The following SPTLC1 variants were observed in gnomAD, a reference collection of about 807,000 sequenced individuals.
SPTLC1 encodes the protein serine palmitoyltransferase 1.
Under a neutral mutation model 68.9 loss-of-function variants are expected in SPTLC1, and 55 were observed. That is an observed-to-expected ratio of 0.80 (90% CI 0.64 to 1.00). The LOEUF (loss-of-function observed/expected upper bound fraction) is 1.00. Among genes scored for constraint, SPTLC1 ranks in the 50% least tolerant of loss-of-function variants. The pLI is 0.00. For synonymous variants in SPTLC1, 197 were observed against 201.6 expected (o/e 0.98, Z 0.19); for missense variants, 449 against 573.1 (o/e 0.78, Z 2.21).
At position 92,067,995 on chromosome 9, in the gene SPTLC1, A is replaced by C; in HGVS notation, c.531T>G (p.Ala177=). 1 of 1,614,152 alleles carries C rather than the reference A, an allele frequency of 6.2e-7. No individual in the cohort carries two copies. The highest frequency in any genetic ancestry group is 8.5e-7 in the Non-Finnish European group (1 of 1,180,012). Residue 177 remains alanine, a synonymous_variant, in exon 6 of 15, where the codon GCT becomes GCG. Coordinates refer to ENST00000262554, the MANE Select transcript of SPTLC1 (RefSeq NM_006415.4). ...GFATIASAIP[A]YSKRGDIVFV... The stretch of plus-strand genomic sequence containing the variant: ...AAACAATGTCCCCTCTTTTAGAGTA[A>C]GCAGGAATAGCACTGGCTATGGTGG...
chr9:92,073,343 C>T (rs766840705), intron 5 of SPTLC1, among the ~76,000 whole-genome samples: 7 of 152,210 alleles, frequency 4.6e-5, no homozygotes, highest in African/African-American at 7.2e-5. Flanking sequence ...TGACTGCTGG[C>T]GCCTTGAGCC....
chr9:92,041,903 T>G (rs1002317977), intron 12 of SPTLC1, among the ~76,000 whole-genome samples: 1 of 152,196 alleles, frequency 6.6e-6, no homozygotes, highest in Non-Finnish European at 1.5e-5. Context: ...CAACGTCTAT[T>G]TATGATTTTA....
intron 12 of SPTLC1, among the ~76,000 whole-genome samples, chr9:92,039,330 T>TA (rs1256797613): frequency 1.3e-5 from 2 of 152,316 alleles, no homozygotes; most frequent in South Asian, 2.1e-4. Context: ...GATAGATCTT[T>TA]AGGGGCCAAA....
intron 14 of SPTLC1, among the ~76,000 whole-genome samples, chr9:92,033,624 C>T (rs1587898488): frequency 6.6e-6 from 1 of 152,176 alleles, no homozygotes; most frequent in African/African-American, 2.4e-5. Context: ...GGAGTGATCT[C>T]AGCTCACTGC....
At chr9:92,079,510 TTGG>T in intron 5 of SPTLC1, 1 of 1,613,868 alleles carries the variant, frequency 6.2e-7, no homozygotes, top group South Asian at 1.1e-5. Context: ...AAATATTTAG[TTGG>T]CCTGTTCCCG....
intron 14 of SPTLC1, among the ~76,000 whole-genome samples, chr9:92,032,998 A>C (rs773084364): frequency 1.4e-4 from 22 of 152,286 alleles, no homozygotes; most frequent in Admixed American, 3.3e-4. Context: ...ATTTTTGTAA[A>C]CAAACCTCTC....
intron 1 of SPTLC1, 64 bp from the exon 2 acceptor site, chr9:92,112,626 T>G (rs2118840574): frequency 9.8e-7 from 1 of 1,019,896 alleles, no homozygotes; most frequent in East Asian, 2.4e-5. Context: ...CACATAAAAT[T>G]TACTACACCT....
In SPTLC1 at chr9:92,051,188, T is replaced by C. The variant is rs139872924; in HGVS notation, c.781-1121A>G. On this transcript the variant is annotated intron_variant, in intron 8 of 14. Coordinates refer to ENST00000262554, the MANE Select transcript of SPTLC1 (RefSeq NM_006415.4). ...ATCTCTTCTATTGATACTTAAAATA[T>C]ATTTAGATTTCCTCAGAAATAGTGA... The C allele has an allele frequency of 6.1e-6, 6 of 981,134 alleles. No individual in the cohort carries two copies. The East Asian group carries it at 6.8e-4, about 112-fold the overall frequency. 60.8% of individuals were successfully genotyped at this position (981,134 alleles called of 1,614,324 possible). A position where few individuals can be genotyped will look rare whatever the true frequency, so the allele number is the denominator to read the frequency against.
At chr9:92,047,557 G>C (rs753746632) in intron 10 of SPTLC1, 56 bp downstream of exon 10, 4 of 1,158,876 alleles carry the variant, frequency 3.5e-6, no homozygotes, top group Admixed American at 3.5e-5. Context: ...ATATTTTGAG[G>C]TGACCAATGG....
At chr9:92,110,971 C>T (rs1374611775) in intron 2 of SPTLC1, 2 of 152,162 alleles carry the variant, frequency 1.3e-5, no homozygotes, top group Non-Finnish European at 2.9e-5. Flanking sequence ...CCTCATTACC[C>T]TATTATTTTT....
intron 8 of SPTLC1, among the ~76,000 whole-genome samples, chr9:92,052,866 G>C (rs1442859844): frequency 6.6e-6 from 1 of 151,886 alleles, no homozygotes; most frequent in African/African-American, 2.4e-5. Context: ...AAACACAAAA[G>C]CACAAGCAAC....
intron 6 of SPTLC1, among the ~76,000 whole-genome samples, chr9:92,067,304 C>CA (rs770486590): frequency 0.016 from 1,580 of 98,730 alleles, 13 homozygotes; most frequent in South Asian, 0.049. Context: ...ATCTCACACA[C>CA]AAAAAAAAAA....
chr9:92,104,062 T>G (rs1835861825), intron 3 of SPTLC1, among the ~76,000 whole-genome samples: 1 of 152,164 alleles, frequency 6.6e-6, no homozygotes, highest in African/African-American at 2.4e-5. Context: ...CTTCACACCC[T>G]GGCTCTGTCA....
At chr9:92,085,886 T>C (rs1835104136) in intron 3 of SPTLC1, among the ~76,000 whole-genome samples, 1 of 151,930 alleles carries the variant, frequency 6.6e-6, no homozygotes, top group Non-Finnish European at 1.5e-5. Flanking sequence ...TAAGTCTCTT[T>C]GTAGGTCACT....
chr9:92,083,265 T>G (rs1204166333), intron 3 of SPTLC1, among the ~76,000 whole-genome samples: 6 of 152,224 alleles, frequency 3.9e-5, no homozygotes, highest in Non-Finnish European at 7.3e-5. Flanking sequence ...TTTGTCAATT[T>G]TGGCTTTTGT....
chr9:92,105,550 C>G (rs1254967093), intron 3 of SPTLC1: 5 of 577,656 alleles, frequency 8.7e-6, no homozygotes, highest in Admixed American at 6.1e-5. Flanking sequence ...TGAGGAGCGC[C>G]TCTGCCCGGC....
At chr9:92,062,330 T>C (rs961244963) in intron 6 of SPTLC1, among the ~76,000 whole-genome samples, 2 of 152,118 alleles carry the variant, frequency 1.3e-5, no homozygotes. Flanking sequence ...TAATCCTAAA[T>C]ATGAACTAAA....
At chr9:92,058,195 G>C (rs760423439) in intron 7 of SPTLC1, among the ~76,000 whole-genome samples, 1 of 152,128 alleles carries the variant, frequency 6.6e-6, no homozygotes, top group Non-Finnish European at 1.5e-5. Context: ...GTATAAAATG[G>C]CAAGATCATG....
At chr9:92,051,115 T>C (rs1313569767) in intron 8 of SPTLC1, 1 of 985,066 alleles carries the variant, frequency 1.0e-6, no homozygotes, top group East Asian at 1.1e-4. Context: ...CCCATTATTC[T>C]ATCAACCATT....
Sources: gnomAD v4.1 joint callset for allele counts (sites outside exome capture counted in the v4.1 genomes callset) on GRCh38, gnomAD v4.1.1 for gene constraint, MANE v1.5 for transcripts, NCBI Gene and HGNC (gene_info 2026-07-23, HGNC 2026-07-21) for gene names.